The following FAM184A variants were observed in gnomAD, a reference collection of about 807,000 sequenced individuals.
The protein encoded by FAM184A is protein FAM184A.
Under a neutral mutation model 143.8 loss-of-function variants are expected in FAM184A, and 99 were observed. The observed-to-expected ratio is 0.69, with a 90% CI of 0.58 to 0.81. FAM184A has a LOEUF of 0.81. Ranked by LOEUF, FAM184A falls within the 40% of genes least tolerant of loss-of-function variation. The pLI, the probability that FAM184A is intolerant of heterozygous loss-of-function variation, is 0.00. For synonymous variants in FAM184A, 427 were observed against 446.4 expected (o/e 0.96, Z 0.55); for missense variants, 1,217 against 1,310.5 (o/e 0.93, Z 1.10).
chr6:119,145,314 G>T (rs1051431755), intron 1 of FAM184A, among the ~76,000 whole-genome samples: 6 of 152,288 alleles, frequency 3.9e-5, no homozygotes, highest in African/African-American at 1.4e-4. Flanking sequence ...GCTTCCTGTT[G>T]TTGCTAGGCC....
intron 5 of FAM184A, among the ~76,000 whole-genome samples, chr6:119,015,318 T>A (rs910960230): frequency 2.0e-5 from 3 of 151,062 alleles, no homozygotes; most frequent in Non-Finnish European, 2.9e-5. Context: ...TGCAGGGAGG[T>A]GTGGAGGGAG....
chr6:119,134,653 CA>C (rs11360363), intron 1 of FAM184A, among the ~76,000 whole-genome samples: 42,880 of 121,672 alleles, frequency 0.35, 6,010 homozygotes, highest in East Asian at 0.54. Flanking sequence ...GACCTTGTCT[CA>C]AAAAAAAAAA....
At chr6:119,135,297 A>G (rs764563772) in intron 1 of FAM184A, among the ~76,000 whole-genome samples, 6 of 152,190 alleles carry the variant, frequency 3.9e-5, no homozygotes, top group Non-Finnish European at 7.3e-5. Context: ...GAGAATGGTC[A>G]ATACCCAATA....
chr6:119,109,304 T>C (rs999046091), intron 1 of FAM184A, among the ~76,000 whole-genome samples: 1 of 152,214 alleles, frequency 6.6e-6, no homozygotes, highest in Non-Finnish European at 1.5e-5. Context: ...GAAACCTGTT[T>C]AAAGTACACA....
chr6:119,095,288 C>T (rs937097326), intron 1 of FAM184A, among the ~76,000 whole-genome samples: 2 of 152,160 alleles, frequency 1.3e-5, no homozygotes, highest in Non-Finnish European at 2.9e-5. Flanking sequence ...AGAAACAATC[C>T]ATGTGTGTTT....
At chr6:119,065,585 A>G (rs1388977455) in intron 1 of FAM184A, among the ~76,000 whole-genome samples, 1 of 152,236 alleles carries the variant, frequency 6.6e-6, no homozygotes, top group East Asian at 1.9e-4. Context: ...CTAGTCACTC[A>G]TTCACTCTCT....
intron 9 of FAM184A, among the ~76,000 whole-genome samples, chr6:119,000,313 C>T (rs578157130): frequency 4.0e-4 from 61 of 152,220 alleles, no homozygotes; most frequent in African/African-American, 1.3e-3. Flanking sequence ...GTAGTTTTTT[C>T]GCTTTAAAGA....
chr6:119,051,572 T>A (rs1302452429), intron 1 of FAM184A, among the ~76,000 whole-genome samples: 1 of 152,222 alleles, frequency 6.6e-6, no homozygotes, highest in Non-Finnish European at 1.5e-5. Context: ...AGAGAATAGA[T>A]ACTCCATTTT....
At chr6:118,984,257 G>A (rs1784122358) in intron 9 of FAM184A, among the ~76,000 whole-genome samples, 1 of 140,704 alleles carries the variant, frequency 7.1e-6, no homozygotes, top group Non-Finnish European at 1.5e-5. Flanking sequence ...TTATATATAT[G>A]GCTCACTGCA....
chr6:119,108,871 C>T (rs868029461), intron 1 of FAM184A, among the ~76,000 whole-genome samples: 4 of 152,280 alleles, frequency 2.6e-5, no homozygotes, highest in Admixed American at 2.6e-4. Context: ...GTGACTTCTA[C>T]TCAACTTCCA....
At chr6:119,035,716 AG>A (rs780093134) in intron 1 of FAM184A, among the ~76,000 whole-genome samples, 1 of 152,304 alleles carries the variant, frequency 6.6e-6, no homozygotes, top group Middle Eastern at 3.4e-3. Context: ...AGACACTCCT[AG>A]GTCTTTAGGT....
chr6:119,104,940 A>G (rs890337222), intron 1 of FAM184A, among the ~76,000 whole-genome samples: 11 of 152,204 alleles, frequency 7.2e-5, no homozygotes, highest in African/African-American at 2.7e-4. Context: ...CAAAACCCCT[A>G]AGTCCAGTCT....
At chr6:119,098,280 C>A (rs1449955602) in intron 1 of FAM184A, among the ~76,000 whole-genome samples, 1 of 152,190 alleles carries the variant, frequency 6.6e-6, no homozygotes, top group Non-Finnish European at 1.5e-5. Flanking sequence ...CCTTCCCAGC[C>A]ACGTGGAACT....
chr6:119,054,387 C>T (rs1786882185), intron 1 of FAM184A, among the ~76,000 whole-genome samples: 1 of 152,212 alleles, frequency 6.6e-6, no homozygotes, highest in Non-Finnish European at 1.5e-5. Flanking sequence ...CCAAGATCAT[C>T]AGCAGACTGG....
At chr6:118,973,979 C>T (rs891742646) in intron 14 of FAM184A, among the ~76,000 whole-genome samples, 12 of 152,032 alleles carry the variant, frequency 7.9e-5, no homozygotes, top group African/African-American at 2.7e-4. Flanking sequence ...TCCAGTACCT[C>T]CTAATCCATT....
Position 119,024,623 on chromosome 6 carries a change from T to A in FAM184A, c.350A>T (p.Asp117Val). The change falls in exon 2 of 18, where the codon GAT (aspartate) becomes GTT (valine). Residue 117 changes from aspartate (D) to valine (V), a missense_variant. Transcript: ENST00000338891. Reference protein sequence around the residue: ...KIQVLESSLEDHIKMKQQALT... With the variant: ...KIQVLESSLEVHIKMKQQALT... ...AGCCTGCTGCTTCATTTTTATGTGATCTTCTAATGATGATTCTAAAACTTG... is the reference window on the plus strand; with the variant it reads ...AGCCTGCTGCTTCATTTTTATGTGAACTTCTAATGATGATTCTAAAACTTG... 8 of 1,614,170 alleles carry A rather than the reference T, an allele frequency of 5.0e-6. No homozygotes were observed. The highest frequency in any genetic ancestry group is 6.8e-6 in the Non-Finnish European group (8 of 1,180,026).
At chr6:119,070,974 T>C (rs1401094760) in intron 1 of FAM184A, among the ~76,000 whole-genome samples, 1 of 152,104 alleles carries the variant, frequency 6.6e-6, no homozygotes, top group African/African-American at 2.4e-5. Context: ...AATACTCCCC[T>C]GGCCCCCATT....
intron 1 of FAM184A, among the ~76,000 whole-genome samples, chr6:119,104,252 C>T (rs537316193): frequency 6.6e-6 from 1 of 152,250 alleles, no homozygotes; most frequent in South Asian, 2.1e-4. Context: ...AGCAATCTGC[C>T]CACCTCTGCC....
At chr6:118,972,250 TA>T (rs1325736923) in intron 14 of FAM184A, among the ~76,000 whole-genome samples, 1 of 152,214 alleles carries the variant, frequency 6.6e-6, no homozygotes, top group Non-Finnish European at 1.5e-5. Context: ...TTAAATTAAT[TA>T]AAATTAAATG....
Sources: gnomAD v4.1 joint callset for allele counts (sites outside exome capture counted in the v4.1 genomes callset) on GRCh38, gnomAD v4.1.1 for gene constraint, MANE v1.5 for transcripts, NCBI Gene and HGNC (gene_info 2026-07-23, HGNC 2026-07-21) for gene names.